CNTN4: variants seen among roughly 807,000 people sequenced by gnomAD.
The protein encoded by CNTN4 is contactin 4.
In CNTN4, 77 loss-of-function variants were observed where a neutral mutation model predicts 122.5. The ratio of observed to expected loss-of-function variants is 0.63; its 90% CI spans 0.52 to 0.76. The LOEUF (loss-of-function observed/expected upper bound fraction) is 0.76. Ranked by LOEUF, CNTN4 falls within the 30% of genes least tolerant of loss-of-function variation. CNTN4 has a pLI of 0.00. For missense variants in CNTN4, 1,256 were observed against 1,259.1 expected, an observed-to-expected ratio of 1.00 and a Z score of 0.04; for synonymous variants, 512 against 447.0, an observed-to-expected ratio of 1.15 and a Z score of -1.83.
At chr3:2,519,992 A>G (rs1211431004) in intron 3 of CNTN4, among the ~76,000 whole-genome samples, 1 of 152,090 alleles carries the variant, frequency 6.6e-6, no homozygotes, top group Non-Finnish European at 1.5e-5. Context: ...GGATTCCTAC[A>G]AGGCTTTTTT....
intron 4 of CNTN4, among the ~76,000 whole-genome samples, chr3:2,707,272 C>G (rs2086797619): frequency 6.6e-6 from 1 of 151,734 alleles, no homozygotes; most frequent in Non-Finnish European, 1.5e-5. Flanking sequence ...CGCCACTGCA[C>G]TCCAGCCTGG....
At chr3:2,729,258 T>A (rs2088466351) in intron 4 of CNTN4, among the ~76,000 whole-genome samples, 1 of 152,032 alleles carries the variant, frequency 6.6e-6, no homozygotes, top group Non-Finnish European at 1.5e-5. Flanking sequence ...TTCACTGGGA[T>A]CCTAACCTGT....
intron 4 of CNTN4, among the ~76,000 whole-genome samples, chr3:2,668,336 T>C (rs1008836415): frequency 6.6e-6 from 1 of 152,198 alleles, no homozygotes; most frequent in African/African-American, 2.4e-5. Context: ...TCCTAGCTAT[T>C]TTATTCTCTT....
intron 13 of CNTN4, among the ~76,000 whole-genome samples, chr3:2,939,124 A>G (rs1038960383): frequency 2.0e-5 from 3 of 152,210 alleles, no homozygotes; most frequent in African/African-American, 7.2e-5. Flanking sequence ...TATTTCCATT[A>G]TAGAGTTTTC....
intron 4 of CNTN4, among the ~76,000 whole-genome samples, chr3:2,662,183 A>T (rs1355400975): frequency 6.6e-6 from 1 of 152,222 alleles, no homozygotes; most frequent in East Asian, 1.9e-4. Context: ...TCATGCACAA[A>T]AATAGGGGAT....
At chr3:2,432,475 T>A (rs988272242) in intron 3 of CNTN4, among the ~76,000 whole-genome samples, 2 of 152,190 alleles carry the variant, frequency 1.3e-5, no homozygotes, top group African/African-American at 4.8e-5. Flanking sequence ...TTTTTTTCAG[T>A]GAAGGTCTCT....
chr3:2,120,220 G>A (rs2033631376), intron 2 of CNTN4, among the ~76,000 whole-genome samples: 1 of 151,224 alleles, frequency 6.6e-6, no homozygotes, highest in African/African-American at 2.4e-5. Context: ...ATAACACTGG[G>A]AAAATGAGGA....
intron 2 of CNTN4, among the ~76,000 whole-genome samples, chr3:2,296,303 C>T (rs1201449214): frequency 1.3e-5 from 2 of 152,114 alleles, no homozygotes; most frequent in Non-Finnish European, 2.9e-5. Context: ...ATTCTTCCTA[C>T]CCATGAGCAT....
At chr3:2,248,254 G>A (rs1219324985) in intron 2 of CNTN4, among the ~76,000 whole-genome samples, 2 of 151,792 alleles carry the variant, frequency 1.3e-5, no homozygotes, top group Admixed American at 1.3e-4. Context: ...CTAATGTTTG[G>A]TGCCAGAATC....
chr3:2,513,576 A>G (rs1389884329), intron 3 of CNTN4, among the ~76,000 whole-genome samples: 2 of 152,086 alleles, frequency 1.3e-5, no homozygotes, highest in East Asian at 1.9e-4. Flanking sequence ...TATCTTCCCA[A>G]TGTAGTTAAA....
chr3:2,467,329 G>T (rs564932991), intron 3 of CNTN4, among the ~76,000 whole-genome samples: 79 of 152,176 alleles, frequency 5.2e-4, no homozygotes, highest in African/African-American at 1.8e-3. Context: ...TGCAAGGACT[G>T]GGAAACTGTA....
chr3:2,259,283 C>G (rs2040725045), intron 2 of CNTN4, among the ~76,000 whole-genome samples: 1 of 152,174 alleles, frequency 6.6e-6, no homozygotes, highest in African/African-American at 2.4e-5. Context: ...AAAATCGTCA[C>G]TAATGTTGAA....
chr3:2,185,725 T>C (rs1229042556), intron 2 of CNTN4, among the ~76,000 whole-genome samples: 4 of 152,148 alleles, frequency 2.6e-5, no homozygotes, highest in Admixed American at 6.5e-5. Flanking sequence ...CTGCCAATAA[T>C]GGTACAAAGT....
intron 2 of CNTN4, among the ~76,000 whole-genome samples, chr3:2,271,942 T>C (rs1005542753): frequency 2.0e-5 from 3 of 152,114 alleles, no homozygotes; most frequent in Non-Finnish European, 4.4e-5. Flanking sequence ...ACTAAAATCA[T>C]GTGTTGTGAA....
intron 2 of CNTN4, among the ~76,000 whole-genome samples, chr3:2,221,488 G>T (rs949326714): frequency 3.3e-5 from 5 of 151,348 alleles, no homozygotes; most frequent in Non-Finnish European, 5.9e-5. Context: ...CGTTGGATTA[G>T]GCATTCTCTT....
intron 14 of CNTN4, among the ~76,000 whole-genome samples, chr3:3,006,457 A>C (rs915166187): frequency 3.3e-5 from 5 of 152,152 alleles, no homozygotes; most frequent in Admixed American, 3.3e-4. Context: ...CCCCAACTAG[A>C]AGGTCCCTTT....
intron 3 of CNTN4, among the ~76,000 whole-genome samples, chr3:2,478,979 T>C (rs1037367592): frequency 6.6e-6 from 1 of 152,124 alleles, no homozygotes; most frequent in Non-Finnish European, 1.5e-5. Flanking sequence ...CTTTTTTTCC[T>C]TTTCACACCA....
chr3:2,721,613 G>A (rs970284945), intron 4 of CNTN4, among the ~76,000 whole-genome samples: 1 of 152,132 alleles, frequency 6.6e-6, no homozygotes, highest in African/African-American at 2.4e-5. Context: ...GAGAGAGAGA[G>A]AATTTGTTTG....
At chr3:2,560,405 A>G (rs146325350) in intron 3 of CNTN4, among the ~76,000 whole-genome samples, 1 of 152,170 alleles carries the variant, frequency 6.6e-6, no homozygotes, top group African/African-American at 2.4e-5. Flanking sequence ...GCTTCCCAAA[A>G]TTTGGGGATT....
Sources: allele counts gnomAD v4.1 joint callset (sites outside exome capture counted in the v4.1 genomes callset), GRCh38; gene constraint gnomAD v4.1.1; transcripts MANE v1.5; gene names NCBI Gene and HGNC (gene_info 2026-07-23, HGNC 2026-07-21).